LRCH2: variants seen among roughly 807,000 people sequenced by gnomAD.
The protein encoded by LRCH2 is leucine-rich repeat and calponin homology domain-containing protein 2.
Under a neutral mutation model 68.9 loss-of-function variants are expected in LRCH2, and 38 were observed. The ratio of observed to expected loss-of-function variants is 0.55; its 90% CI spans 0.43 to 0.72. LRCH2 has a LOEUF of 0.72. Among genes scored for constraint, LRCH2 ranks in the 30% least tolerant of loss-of-function variants. The pLI is 0.00. For synonymous variants in LRCH2, 191 were observed against 208.1 expected (o/e 0.92, Z 0.71); for missense variants, 528 against 572.9 (o/e 0.92, Z 0.80).
At chrX:115,224,500 T>G (rs1556575502) in intron 1 of LRCH2, among the ~76,000 whole-genome samples, 1 of 109,414 alleles carries the variant, frequency 9.1e-6, no homozygotes, top group African/African-American at 3.3e-5. Flanking sequence ...CTGGGCAACA[T>G]GATGAAACCC....
chrX:115,142,985 A>G (rs1556534833), intron 14 of LRCH2, among the ~76,000 whole-genome samples: 1 of 110,419 alleles, frequency 9.1e-6, no homozygotes, highest in Non-Finnish European at 1.9e-5. Context: ...AGTCCCAGCT[A>G]CTTGGAAGGC....
intron 1 of LRCH2, chrX:115,189,480 G>A: frequency 8.5e-7 from 1 of 1,179,813 alleles, no homozygotes; most frequent in Non-Finnish European, 1.1e-6. Flanking sequence ...TTTTCATTGG[G>A]GGCCTCAACC....
At chrX:115,135,773 C>T (rs1464464399) in intron 14 of LRCH2, among the ~76,000 whole-genome samples, 1 of 109,609 alleles carries the variant, frequency 9.1e-6, no homozygotes, top group Non-Finnish European at 1.9e-5. Context: ...GCCATATTCA[C>T]CCAATTTTCA....
chrX:115,233,419 T>A (rs1228235603), intron 1 of LRCH2, among the ~76,000 whole-genome samples: 1 of 111,703 alleles, frequency 9.0e-6, no homozygotes, highest in Non-Finnish European at 1.9e-5. Context: ...AATGACTCCC[T>A]CCCACCCAAA....
chrX:115,140,716 G>C (rs1333253886), intron 14 of LRCH2, among the ~76,000 whole-genome samples: 1 of 111,563 alleles, frequency 9.0e-6, no homozygotes, highest in African/African-American at 3.3e-5. Context: ...ACCTCCCATG[G>C]GCCAGTGGTG....
chrX:115,187,108 G>A (rs782422923), intron 2 of LRCH2, among the ~76,000 whole-genome samples: 1 of 111,793 alleles, frequency 8.9e-6, no homozygotes, highest in African/African-American at 3.2e-5. Context: ...GTGAGCCACC[G>A]CACCCAGCCA....
At chrX:115,119,835 G>A (rs1299278522) in intron 20 of LRCH2, among the ~76,000 whole-genome samples, 2 of 106,570 alleles carry the variant, frequency 1.9e-5, no homozygotes, top group African/African-American at 3.4e-5. Context: ...TAGATCAATG[G>A]AACAGAACAG....
intron 12 of LRCH2, among the ~76,000 whole-genome samples, chrX:115,150,524 G>A (rs1328175302): frequency 1.8e-5 from 2 of 110,902 alleles, no homozygotes; most frequent in Non-Finnish European, 3.8e-5. Flanking sequence ...AACAAAACAG[G>A]GGCTATGAAG....
rs367592653 is a variant in LRCH2 at position 115,148,916 on chromosome X, C to T, written c.1695+911G>A. On this transcript the variant is annotated intron_variant, in intron 14 of 20. Coordinates refer to ENST00000317135, the MANE Select transcript of LRCH2 (RefSeq NM_020871.4). The stretch of plus-strand genomic sequence containing the variant: ...TATTTCCAAATGTATGTTACACACC[C>T]ATATATAGAAACAAACAAATGTGCA... 4.5e-4 allele frequency among the ~76,000 whole-genome samples: 50 copies of T among 111,520 alleles called. 5 individuals carry two copies. Among genetic ancestry groups the T allele is most frequent in the Admixed American group, 2.6e-3 (27 of 10,423 alleles).
chrX:115,183,182 C>T (rs1038397535), intron 3 of LRCH2, among the ~76,000 whole-genome samples: 2 of 110,797 alleles, frequency 1.8e-5, no homozygotes, highest in Admixed American at 1.9e-4. Flanking sequence ...TCTTTTATAA[C>T]TTCAAAATTA....
chrX:115,191,689 G>A (rs923428308), intron 1 of LRCH2: 4 of 1,164,333 alleles, frequency 3.4e-6, no homozygotes, highest in Non-Finnish European at 4.6e-6. Flanking sequence ...CTCACTCGAT[G>A]CCAACAGCAG....
At chrX:115,192,329 G>A (rs1172463041) in intron 1 of LRCH2, 4 of 1,080,003 alleles carry the variant, frequency 3.7e-6, no homozygotes, top group African/African-American at 1.9e-5. Context: ...CACAGTGGGG[G>A]CCGCGACAGT....
chrX:115,222,767 T>A (rs781921879), intron 1 of LRCH2, among the ~76,000 whole-genome samples: 10 of 111,731 alleles, frequency 9.0e-5, no homozygotes, highest in Non-Finnish European at 1.7e-4. Flanking sequence ...ATGGCAAAAT[T>A]CCCCCAAATT....
rs1028972167 is a variant in LRCH2 at position 115,191,361 on chromosome X, C to A, written c.350-2991G>T. On this transcript the variant is annotated intron_variant, in intron 1 of 20. Coordinates refer to ENST00000317135, the MANE Select transcript of LRCH2 (RefSeq NM_020871.4). ...AGTACCGAGGCCGCTCCCTTGATGC[C>A]AACAGTGGAGGCCGCTCGCCTGATG... 1.6e-5 allele frequency: 18 copies of A among 1,147,433 alleles called. No homozygotes were observed. The African/African-American group carries it at 3.0e-4, about 19-fold the overall frequency. The allele number at this position is 1,147,433 out of a possible 1,213,427, so 94.6% of individuals were successfully genotyped here.
intron 14 of LRCH2, among the ~76,000 whole-genome samples, chrX:115,141,833 C>T (rs1390767431): frequency 9.8e-6 from 1 of 101,597 alleles, no homozygotes; most frequent in African/African-American, 3.7e-5. Flanking sequence ...GAGATCATGC[C>T]ATTTCACTCC....
intron 12 of LRCH2, among the ~76,000 whole-genome samples, chrX:115,151,883 A>AGGAGACAGAGCT (rs2072434674): frequency 9.0e-6 from 1 of 111,117 alleles, no homozygotes; most frequent in Non-Finnish European, 1.9e-5. Flanking sequence ...CCCAGAATTC[A>AGGAGACAGAGCT]GGAGACAGAG....
At chrX:115,188,203 T>G (rs782413568) in intron 2 of LRCH2, 23 bp downstream of exon 2, 1 of 1,071,466 alleles carries the variant, frequency 9.3e-7, no homozygotes, top group South Asian at 2.6e-5. Flanking sequence ...AAACCAAAAT[T>G]TATTTTTAAA....
At chrX:115,216,325 T>C (rs1489464763) in intron 1 of LRCH2, among the ~76,000 whole-genome samples, 1 of 111,948 alleles carries the variant, frequency 8.9e-6, no homozygotes, top group East Asian at 2.8e-4. Flanking sequence ...ATAAAGGAAA[T>C]ATACCAAAAT....
intron 1 of LRCH2, among the ~76,000 whole-genome samples, chrX:115,197,799 A>C (rs1603086905): frequency 8.3e-5 from 6 of 72,549 alleles, no homozygotes; most frequent in Admixed American, 1.7e-4. Context: ...ACTACACTCC[A>C]GCCTGGGCAA....
Sources: allele counts gnomAD v4.1 joint callset (sites outside exome capture counted in the v4.1 genomes callset), GRCh38; gene constraint gnomAD v4.1.1; transcripts MANE v1.5; gene names NCBI Gene and HGNC (gene_info 2026-07-23, HGNC 2026-07-21).